Variants in EYS observed in about 807,000 individuals in gnomAD.
EYS encodes the protein EGF-like photoreceptor maintenance factor.
Under a neutral mutation model 282.1 loss-of-function variants are expected in EYS, and 250 were observed. That is an observed-to-expected ratio of 0.89 (90% CI 0.80 to 0.98). The LOEUF (loss-of-function observed/expected upper bound fraction) is 0.98. EYS is among the 50% of genes least tolerant of loss of function. EYS has a pLI of 0.00. For missense variants in EYS, 4,016 were observed against 3,709.0 expected, an observed-to-expected ratio of 1.08 and a Z score of -2.15; for synonymous variants, 1,355 against 1,282.9, an observed-to-expected ratio of 1.06 and a Z score of -1.20.
At chr6:65,426,974 T>C (rs1273024849) in intron 5 of EYS, among the ~76,000 whole-genome samples, 1 of 152,112 alleles carries the variant, frequency 6.6e-6, no homozygotes, top group African/African-American at 2.4e-5. Context: ...ATAAATATTT[T>C]CTTTTAGGTT....
chr6:64,517,087 T>C lies in EYS; in HGVS notation c.5644+73136A>G, dbSNP rs546713709. 4.4e-4 allele frequency among the ~76,000 whole-genome samples: 67 copies of C among 151,974 alleles called. No homozygotes were observed. The Middle Eastern group carries it at 0.021, about 47-fold the overall frequency. On this transcript the variant is annotated intron_variant, in intron 26 of 42. Coordinates refer to ENST00000503581, the MANE Select transcript of EYS (RefSeq NM_001142800.2). ...AATATTCACTTTTTCATTTATAAGA[T>C]TATATACTGTCATATCTTGAAAGTC...
intron 40 of EYS, among the ~76,000 whole-genome samples, chr6:63,763,214 A>T (rs1031781129): frequency 6.6e-6 from 1 of 152,004 alleles, no homozygotes; most frequent in African/African-American, 2.4e-5. Flanking sequence ...ATACAGTGGC[A>T]GTAAGTGGTT....
chr6:65,601,634 A>G (rs925150101), intron 2 of EYS, among the ~76,000 whole-genome samples: 3 of 152,000 alleles, frequency 2.0e-5, no homozygotes, highest in Non-Finnish European at 4.4e-5. Flanking sequence ...AAGATGGAAT[A>G]ATAGCTCAAA....
intron 12 of EYS, among the ~76,000 whole-genome samples, chr6:65,094,857 G>C (rs967950881): frequency 1.3e-5 from 2 of 150,142 alleles, no homozygotes; most frequent in Non-Finnish European, 1.5e-5. Context: ...CAGAAGGAAA[G>C]AAATAAGATT....
At chr6:65,122,685 T>TATAA (rs1775595951) in intron 12 of EYS, among the ~76,000 whole-genome samples, 1 of 152,122 alleles carries the variant, frequency 6.6e-6, no homozygotes, top group African/African-American at 2.4e-5. Context: ...AAACATTTAT[T>TATAA]GAAGTTATAA....
At chr6:65,043,532 T>C (rs1175563141) in intron 13 of EYS, among the ~76,000 whole-genome samples, 1 of 151,438 alleles carries the variant, frequency 6.6e-6, no homozygotes, top group Non-Finnish European at 1.5e-5. Context: ...TTATCAACAA[T>C]TCCTAATTCC....
chr6:63,738,057 G>C (rs552548183), intron 41 of EYS, among the ~76,000 whole-genome samples: 2 of 152,176 alleles, frequency 1.3e-5, no homozygotes, highest in Non-Finnish European at 2.9e-5. Context: ...ACACCAGTTA[G>C]AATGGTAATC....
intron 31 of EYS, among the ~76,000 whole-genome samples, chr6:64,199,714 CTT>C (rs1765404025): frequency 6.7e-6 from 1 of 149,082 alleles, no homozygotes; most frequent in Admixed American, 6.8e-5. Context: ...CTACAAAGAA[CTT>C]AAACAAATTT....
At chr6:65,210,226 C>T (rs530274272) in intron 12 of EYS, among the ~76,000 whole-genome samples, 9 of 152,016 alleles carry the variant, frequency 5.9e-5, no homozygotes, top group South Asian at 2.1e-4. Flanking sequence ...CATGCGAATG[C>T]GTAATATGCT....
chr6:65,476,958 T>A lies in EYS; in HGVS notation c.862+13636A>T, dbSNP rs574635262. 2.7e-4 allele frequency among the ~76,000 whole-genome samples: 41 copies of A among 152,286 alleles called. 1 individual carries two copies. In the South Asian group the frequency reaches 8.5e-3, roughly 32 times the overall value. ...AATATGATGAAGTAGGTTGTAAAAA[T>A]TTCGAATTTTTATTCATGCTAATCA... is the stretch of plus-strand genomic sequence containing the variant. On this transcript the variant is annotated intron_variant, in intron 5 of 42. Transcript: ENST00000503581.
intron 31 of EYS, among the ~76,000 whole-genome samples, chr6:64,216,309 G>T (rs929591358): frequency 8.5e-5 from 13 of 152,166 alleles, no homozygotes; most frequent in Admixed American, 7.2e-4. Context: ...AAAAAATTAA[G>T]AAGTGATAAT....
intron 31 of EYS, among the ~76,000 whole-genome samples, chr6:64,116,983 AC>A (rs1480222285): frequency 6.6e-6 from 1 of 152,078 alleles, no homozygotes; most frequent in Non-Finnish European, 1.5e-5. Flanking sequence ...AAAATTTAAT[AC>A]CTCACTTTCA....
chr6:65,317,875 T>C lies in EYS; in HGVS notation c.1766+17105A>G, dbSNP rs1315810121. 4.4e-5 allele frequency among the ~76,000 whole-genome samples: 3 copies of C among 68,062 alleles called. 1 individual carries two copies. Among genetic ancestry groups the C allele is most frequent in the Non-Finnish European group, 8.7e-5 (3 of 34,610 alleles). The allele number at this position is 68,062 out of a possible 152,430, so 44.7% of individuals were successfully genotyped here. On this transcript the variant is annotated intron_variant, in intron 11 of 42. Transcript: ENST00000503581. ...CTTTCTTTCTTTCTTTCTTTCTTTC[T>C]TTCTTTCTTTCAGACAGAGTCTCCC...
intron 35 of EYS, 76 bp from the exon 36 acceptor site, chr6:63,864,434 G>T: frequency 1.0e-6 from 1 of 1,003,148 alleles, no homozygotes; most frequent in Non-Finnish European, 1.4e-6. Flanking sequence ...ATATACACAT[G>T]CATGAACACA....
intron 2 of EYS, among the ~76,000 whole-genome samples, chr6:65,528,026 T>A (rs1240408688): frequency 6.6e-6 from 1 of 152,168 alleles, no homozygotes; most frequent in East Asian, 1.9e-4. Context: ...CTGAAAGTGT[T>A]ACTAAGGTAT....
intron 31 of EYS, among the ~76,000 whole-genome samples, chr6:64,194,958 A>C (rs1406248644): frequency 6.6e-6 from 1 of 152,170 alleles, no homozygotes; most frequent in African/African-American, 2.4e-5. Context: ...CTCGTGTAAC[A>C]ACACAATGAC....
chr6:64,452,207 A>T (rs1367075181), intron 26 of EYS, among the ~76,000 whole-genome samples: 1 of 152,090 alleles, frequency 6.6e-6, no homozygotes, highest in Non-Finnish European at 1.5e-5. Context: ...ATTCTTATAC[A>T]CCAATAACAG....
intron 26 of EYS, among the ~76,000 whole-genome samples, chr6:64,555,974 AAAAC>A (rs1262973328): frequency 6.6e-6 from 1 of 152,022 alleles, no homozygotes; most frequent in Non-Finnish European, 1.5e-5. Flanking sequence ...TAAAAGAACA[AAAAC>A]AGACAATAAA....
intron 22 of EYS, among the ~76,000 whole-genome samples, chr6:64,658,186 C>T (rs1413831888): frequency 6.6e-6 from 1 of 152,168 alleles, no homozygotes; most frequent in East Asian, 1.9e-4. Context: ...AGTTCTCCTG[C>T]CTTGGTTTTC....
Sources: gnomAD v4.1 joint callset for allele counts (sites outside exome capture counted in the v4.1 genomes callset) on GRCh38, gnomAD v4.1.1 for gene constraint, MANE v1.5 for transcripts, NCBI Gene and HGNC (gene_info 2026-07-23, HGNC 2026-07-21) for gene names.